The following SPECC1 variants were observed in gnomAD, a reference collection of about 807,000 sequenced individuals.
The protein encoded by SPECC1 is sperm antigen with calponin homology and coiled-coil domains 1.
SPECC1 carries 62 observed loss-of-function variants against 104.1 expected under a neutral mutation model. The ratio of observed to expected loss-of-function variants is 0.60; its 90% confidence interval spans 0.49 to 0.74. The LOEUF is 0.74. SPECC1 is among the 30% of genes least tolerant of loss of function. The pLI is 0.00. For synonymous variants in SPECC1, 513 were observed against 501.6 expected (o/e 1.02, Z -0.30); for missense variants, 1,306 against 1,310.5 (o/e 1.00, Z 0.05).
intron 3 of SPECC1, among the ~76,000 whole-genome samples, chr17:20,186,830 G>T (rs2035314662): frequency 6.6e-6 from 1 of 152,190 alleles, no homozygotes. Context: ...GCTTCCCAAA[G>T]TGCTGGGATT....
At chr17:20,086,299 C>T (rs1184017293) in intron 1 of SPECC1, among the ~76,000 whole-genome samples, 1 of 152,178 alleles carries the variant, frequency 6.6e-6, no homozygotes, top group Non-Finnish European at 1.5e-5. Context: ...GGCCCTGTTC[C>T]CACCTCCTGT....
chr17:20,222,289 G>A (rs141633040), intron 4 of SPECC1, among the ~76,000 whole-genome samples: 4 of 152,066 alleles, frequency 2.6e-5, no homozygotes, highest in Admixed American at 6.5e-5. Context: ...AAGCGAGATC[G>A]CACCACCACA....
intron 1 of SPECC1, among the ~76,000 whole-genome samples, chr17:20,013,303 A>G (rs2044003491): frequency 6.6e-6 from 1 of 152,168 alleles, no homozygotes; most frequent in Non-Finnish European, 1.5e-5. Context: ...AGGCTGAACC[A>G]TTTTATATTC....
chr17:20,179,897 A>G (rs942626509), intron 3 of SPECC1, among the ~76,000 whole-genome samples: 3 of 152,228 alleles, frequency 2.0e-5, no homozygotes, highest in Non-Finnish European at 4.4e-5. Flanking sequence ...GAAGGATCGT[A>G]CTGCCTTGGA....
At chr17:20,072,343 A>G (rs1284517754) in intron 1 of SPECC1, among the ~76,000 whole-genome samples, 1 of 152,228 alleles carries the variant, frequency 6.6e-6, no homozygotes, top group African/African-American at 2.4e-5. Flanking sequence ...TGCTTAAGCA[A>G]AATTGAGTTA....
intron 1 of SPECC1, among the ~76,000 whole-genome samples, chr17:20,088,355 G>A (rs937975899): frequency 6.6e-6 from 1 of 152,166 alleles, no homozygotes; most frequent in African/African-American, 2.4e-5. Context: ...GCTGCTGAAT[G>A]GGCATTAAGT....
At chr17:20,121,100 T>A (rs547851197) in intron 3 of SPECC1, among the ~76,000 whole-genome samples, 1 of 152,270 alleles carries the variant, frequency 6.6e-6, no homozygotes, top group Non-Finnish European at 1.5e-5. Context: ...CAAAAGGGGC[T>A]TCTATTTTTG....
chr17:20,316,167 A>T lies in SPECC1; in HGVS notation c.*2102A>T, dbSNP rs1416667578. 7 of 214,836 alleles carry T rather than the reference A, an allele frequency of 3.3e-5. No homozygotes were observed. The highest frequency in any genetic ancestry group is 3.8e-4 in the South Asian group (2 of 5,244). 13.3% of individuals were successfully genotyped at this position (214,836 alleles called of 1,614,324 possible). On this transcript the variant is annotated 3_prime_UTR_variant, in exon 15 of 15. Coordinates refer to ENST00000395527, the MANE Select transcript of SPECC1 (RefSeq NM_001243439.2). ...GCTGATTCAGGCACTTGTTTGAAGC[A>T]TTTTTTTTTTATTAACCCTGTACTT...
At chr17:20,131,450 A>G (rs2049624616) in intron 3 of SPECC1, among the ~76,000 whole-genome samples, 1 of 152,026 alleles carries the variant, frequency 6.6e-6, no homozygotes, top group East Asian at 1.9e-4. Flanking sequence ...GAGTGCCAGG[A>G]TTACAGGTGT....
At position 20,317,661 on chromosome 17, in the gene SPECC1, G is replaced by C. The variant is rs1246669127; in HGVS notation, c.*3596G>C. 1 of 201,324 alleles carries C rather than the reference G, an allele frequency of 5.0e-6. No individual in the cohort carries two copies. The highest frequency in any genetic ancestry group is 1.0e-5 in the Non-Finnish European group (1 of 97,988). 12.5% of individuals were successfully genotyped at this position (201,324 alleles called of 1,614,324 possible). ...GCATCACTTGAGCCCAGGAGTTTGA[G>C]GCTGCAGTAAGCTGTGTTTGTGCCA... On this transcript the variant is annotated 3_prime_UTR_variant, in exon 15 of 15. Coordinates refer to ENST00000395527, the MANE Select transcript of SPECC1 (RefSeq NM_001243439.2).
At chr17:20,303,138 A>T (rs557984782) in intron 13 of SPECC1, among the ~76,000 whole-genome samples, 1 of 152,126 alleles carries the variant, frequency 6.6e-6, no homozygotes, top group Admixed American at 6.5e-5. Flanking sequence ...TTGGCATTAC[A>T]TATTAAAAGC....
At chr17:20,183,716 TG>T (rs1442921302) in intron 3 of SPECC1, among the ~76,000 whole-genome samples, 4 of 152,190 alleles carry the variant, frequency 2.6e-5, no homozygotes, top group Non-Finnish European at 1.5e-5. Context: ...TATACTGTAT[TG>T]TTTAGGGAAT....
intron 3 of SPECC1, among the ~76,000 whole-genome samples, chr17:20,179,539 A>G (rs2034714017): frequency 6.6e-6 from 1 of 152,230 alleles, no homozygotes; most frequent in African/African-American, 2.4e-5. Flanking sequence ...ACTGAGACTA[A>G]TAAGGTGGGA....
chr17:20,272,683 G>T (rs1215133674), intron 12 of SPECC1, among the ~76,000 whole-genome samples: 4 of 152,070 alleles, frequency 2.6e-5, no homozygotes, highest in East Asian at 3.8e-4. Context: ...TGTCCTCAAG[G>T]TTCATCCATG....
rs2044269190 is a variant in SPECC1, at chr17:20,019,195, A to G, written c.-22+9771A>G. 2.0e-5 allele frequency among the ~76,000 whole-genome samples: 3 copies of G among 151,404 alleles called. No homozygotes were observed. The East Asian group carries it at 5.8e-4, about 29-fold the overall frequency. On this transcript the variant is annotated intron_variant, in intron 1 of 14. Transcript: ENST00000395527. Reference sequence around the variant, plus strand: ...AATTTGAGACTAGCCTGGCCAATACAGAAGACCCTATCATTCATTTATTTA... The same window carrying G: ...AATTTGAGACTAGCCTGGCCAATACGGAAGACCCTATCATTCATTTATTTA...
At chr17:20,262,672 G>C (rs1225592558) in intron 12 of SPECC1, among the ~76,000 whole-genome samples, 1 of 152,114 alleles carries the variant, frequency 6.6e-6, no homozygotes, top group Non-Finnish European at 1.5e-5. Flanking sequence ...TCCCTTCCCA[G>C]GCTGAAGCTT....
At chr17:20,254,599 G>GTTAA (rs1346288493) in intron 10 of SPECC1, among the ~76,000 whole-genome samples, 1 of 152,158 alleles carries the variant, frequency 6.6e-6, no homozygotes, top group African/African-American at 2.4e-5. Flanking sequence ...CTAGTGGGAA[G>GTTAA]TTAAGGTTGT....
intron 3 of SPECC1, chr17:20,111,729 G>A: frequency 1.5e-6 from 1 of 678,598 alleles, no homozygotes; most frequent in Non-Finnish European, 2.7e-6. Context: ...ATCCCAGTGG[G>A]TGGAGGGAGG....
chr17:20,227,210 G>T (rs1231035104), intron 4 of SPECC1, among the ~76,000 whole-genome samples: 1 of 152,156 alleles, frequency 6.6e-6, no homozygotes, highest in Non-Finnish European at 1.5e-5. Flanking sequence ...ACATGCCAAG[G>T]GCGTCTTTGC....
Sources: gnomAD v4.1 joint callset for allele counts (sites outside exome capture counted in the v4.1 genomes callset) on GRCh38, gnomAD v4.1.1 for gene constraint, MANE v1.5 for transcripts, NCBI Gene and HGNC (gene_info 2026-07-23, HGNC 2026-07-21) for gene names.